SDK2: variants seen among roughly 807,000 people sequenced by gnomAD.
SDK2 encodes the protein protein sidekick-2.
In SDK2, 105 loss-of-function variants were observed where a neutral mutation model predicts 253.9. The observed-to-expected ratio is 0.41, with a 90% CI of 0.35 to 0.49. SDK2 has a LOEUF of 0.49. Ranked by LOEUF, SDK2 falls within the 20% of genes least tolerant of loss-of-function variation. The probability of loss-of-function intolerance (pLI) is 0.06; values close to 1 mark genes in which losing one functional copy is unlikely to be tolerated. For synonymous variants in SDK2, 1,249 were observed against 1,234.9 expected, an observed-to-expected ratio of 1.01 and a Z score of -0.24; for missense variants, 2,608 against 3,003.0, an observed-to-expected ratio of 0.87 and a Z score of 3.07.
intron 1 of SDK2, among the ~76,000 whole-genome samples, chr17:73,623,863 CT>C (rs2046166066): frequency 6.6e-6 from 1 of 152,226 alleles, no homozygotes; most frequent in Non-Finnish European, 1.5e-5. Context: ...CTCTCCTGTG[CT>C]TTCCCCCTCC....
intron 2 of SDK2, among the ~76,000 whole-genome samples, chr17:73,475,958 A>G (rs932409818): frequency 2.0e-5 from 3 of 152,200 alleles, no homozygotes; most frequent in Admixed American, 2.0e-4. Flanking sequence ...CTAAAAACAC[A>G]AAAATTAGCC....
At position 73,639,969 on chromosome 17, in the gene SDK2, T is replaced by C. The variant is rs2046378192; in HGVS notation, c.64+4056A>G. Among the ~76,000 whole-genome samples the C allele has an allele frequency of 6.6e-6, 1 of 152,096 alleles. No individual in the cohort carries two copies. On this transcript the variant is annotated intron_variant, in intron 1 of 44. Transcript: ENST00000392650. The surrounding 1 kb of genome is among the most constrained non-coding windows in gnomAD (Gnocchi z 4.3). ...AAATGCAATGATTCCCATTAGTCCT[T>C]AGGACAGAAGATAAGCCCATTCTCC...
At chr17:73,421,402 C>T (rs369649608) in intron 15 of SDK2, among the ~76,000 whole-genome samples, 42 of 152,242 alleles carry the variant, frequency 2.8e-4, no homozygotes, top group Middle Eastern at 3.4e-3. Flanking sequence ...CAAGGCTTTG[C>T]GCACGTGATT....
At chr17:73,493,684 T>G (rs375932455) in intron 2 of SDK2, among the ~76,000 whole-genome samples, 6 of 152,262 alleles carry the variant, frequency 3.9e-5, no homozygotes, top group African/African-American at 7.2e-5. Flanking sequence ...AAGCAATAGG[T>G]GTTTTGGATC....
At position 73,447,810 on chromosome 17, in the gene SDK2, G is replaced by A; in HGVS notation, c.480-62C>T. 1 of 1,544,896 alleles carries A rather than the reference G, an allele frequency of 6.5e-7. No individual in the cohort carries two copies. ...AAGGGGCTCTGAACCTCCAGGGAGT[G>A]GGAGTGGAAACCCTAAGGGGGAAGC... On this transcript the variant is annotated intron_variant, in intron 4 of 44. Transcript: ENST00000392650. This position sits in a 1 kb window ranked among gnomAD's most constrained non-coding sequence, Gnocchi z 4.0.
At chr17:73,522,345 G>A (rs1386565505) in intron 1 of SDK2, among the ~76,000 whole-genome samples, 1 of 152,224 alleles carries the variant, frequency 6.6e-6, no homozygotes, top group Non-Finnish European at 1.5e-5. Context: ...TGTGCCTGGT[G>A]GCAGGTGGCA....
chr17:73,384,484 G>A (rs2062856607), intron 32 of SDK2, among the ~76,000 whole-genome samples: 1 of 152,158 alleles, frequency 6.6e-6, no homozygotes, highest in South Asian at 2.1e-4. Flanking sequence ...CTTAGTACAT[G>A]CAAGGGTGAG....
chr17:73,346,702 C>T (rs1343811257), intron 44 of SDK2, among the ~76,000 whole-genome samples: 3 of 152,240 alleles, frequency 2.0e-5, no homozygotes, highest in Non-Finnish European at 4.4e-5. Flanking sequence ...CACAGGAAAA[C>T]GACTGGGCAG....
Position 73,379,265 on chromosome 17 carries a change from A to G in SDK2, c.4892T>C (p.Val1631Ala). 1 of 1,554,598 alleles carries G rather than the reference A, an allele frequency of 6.4e-7. No homozygotes were observed. The part of the protein sequence containing the change: ...AVPTAAPRNV[V>A]VHGATATQLD... ...CTGTGTGGCCGTGGCGCCGTGGACG[A>G]CCACGTTACGAGGTGCTGCTGTGGG... The change falls in exon 36 of 45, where the codon GTC becomes GCC. Residue 1631 changes from valine (V) to alanine (A), a missense_variant. Coordinates refer to ENST00000392650, the MANE Select transcript of SDK2 (RefSeq NM_001144952.2). This position sits in a 1 kb window ranked among gnomAD's most constrained non-coding sequence, Gnocchi z 4.5.
chr17:73,400,765 A>G (rs2063016712), intron 21 of SDK2, among the ~76,000 whole-genome samples: 1 of 151,526 alleles, frequency 6.6e-6, no homozygotes, highest in Admixed American at 6.6e-5. Flanking sequence ...GCGATCTTCC[A>G]TCCTCAGCCT....
intron 2 of SDK2, among the ~76,000 whole-genome samples, chr17:73,491,966 T>C (rs1361461133): frequency 1.3e-5 from 2 of 152,192 alleles, no homozygotes; most frequent in Admixed American, 1.3e-4. Flanking sequence ...CATCAGGATG[T>C]GGAGTCCATT....
intron 18 of SDK2, among the ~76,000 whole-genome samples, chr17:73,412,669 A>G (rs1001152262): frequency 6.6e-6 from 1 of 151,834 alleles, no homozygotes; most frequent in African/African-American, 2.4e-5. Context: ...TAATCCCAGC[A>G]CTCTGGGAGG....
At chr17:73,398,263 C>T in intron 23 of SDK2, 57 bp downstream of exon 23, 1 of 1,602,260 alleles carries the variant, frequency 6.2e-7, no homozygotes, top group Non-Finnish European at 8.5e-7. Flanking sequence ...TGGGCCATAG[C>T]CCCCACCCAC....
intron 1 of SDK2, among the ~76,000 whole-genome samples, chr17:73,601,754 T>C (rs1599716905): frequency 2.0e-5 from 3 of 151,842 alleles, no homozygotes; most frequent in East Asian, 3.9e-4. Context: ...TTTTTTTTTT[T>C]CTTTTTTGAG....
Position 73,427,954 on chromosome 17 carries a change from G to A in SDK2, c.1583+2557C>T, listed in dbSNP as rs2063296219. ...GAAAATATTTGTAAACGATATCTTT[G>A]ATAAAGCACTGCTATCCAAAATCTA... On this transcript the variant is annotated intron_variant, in intron 12 of 44. Coordinates refer to ENST00000392650, the MANE Select transcript of SDK2 (RefSeq NM_001144952.2). 3.9e-5 allele frequency among the ~76,000 whole-genome samples: 6 copies of A among 152,296 alleles called. No individual in the cohort carries two copies. In the South Asian group the frequency reaches 1.2e-3, roughly 32 times the overall value.
rs189239899 is a variant in SDK2, at chr17:73,530,475, C to T, written c.65-22878G>A. Among the ~76,000 whole-genome samples, 78 of 152,282 alleles carry T rather than the reference C, an allele frequency of 5.1e-4. No individual in the cohort carries two copies. In the Middle Eastern group the frequency reaches 0.014, roughly 27 times the overall value. The stretch of plus-strand genomic sequence containing the variant: ...ATCACCTCCCACAAAGTCCCTCCCT[C>T]GACACCTGGGGATTACAATTTGAGA... On this transcript the variant is annotated intron_variant, in intron 1 of 44. Coordinates refer to ENST00000392650, the MANE Select transcript of SDK2 (RefSeq NM_001144952.2).
rs1418494083 is a variant in SDK2, at chr17:73,395,223, A to C, written c.3524T>G (p.Val1175Gly). Residue 1175 changes from valine to glycine, a missense_variant, in exon 25 of 45, where the codon GTC becomes GGC. Transcript: ENST00000392650. The surrounding 1 kb of genome is among the most constrained non-coding windows in gnomAD (Gnocchi z 4.3). ...GCTCCCGATGGCGTTGAAGGCCTGG[A>C]CCTGGACGCGGTACTCTGTCCACTC... is the stretch of plus-strand genomic sequence containing the variant. ...LEEWTEYRVQ[V>G]QAFNAIGSGP... is the part of the protein sequence containing the mutation. 1 of 1,612,888 alleles carries C rather than the reference A, an allele frequency of 6.2e-7. No individual in the cohort carries two copies. Among genetic ancestry groups the C allele is most frequent in the East Asian group, 2.2e-5 (1 of 44,848 alleles).
Position 73,591,107 on chromosome 17 carries a change from A to G in SDK2, c.64+52918T>C, listed in dbSNP as rs1001416001. 2.6e-5 allele frequency among the ~76,000 whole-genome samples: 4 copies of G among 152,214 alleles called. 1 individual carries two copies. Among genetic ancestry groups the G allele is most frequent in the Admixed American group, 2.6e-4 (4 of 15,286 alleles). ...GCTAATTTTTGTACTTTTAGTAGAG[A>G]CAGGGTTTCGCCATGTTGGCCAGGC... is the stretch of plus-strand genomic sequence containing the variant. On this transcript the variant is annotated intron_variant, in intron 1 of 44. Transcript: ENST00000392650.
chr17:73,370,635 T>C (rs549752016), intron 36 of SDK2, among the ~76,000 whole-genome samples: 1 of 152,062 alleles, frequency 6.6e-6, no homozygotes, highest in African/African-American at 2.4e-5. Flanking sequence ...CTTGGCTCAC[T>C]GTAACCTTGA....
Sources: allele counts gnomAD v4.1 joint callset (sites outside exome capture counted in the v4.1 genomes callset), GRCh38; gene constraint gnomAD v4.1.1; non-coding constraint Gnocchi (gnomAD v3.1); transcripts MANE v1.5; gene names NCBI Gene and HGNC (gene_info 2026-07-23, HGNC 2026-07-21).